Variants in TMC1 observed in about 807,000 individuals in gnomAD.
TMC1 encodes the protein transmembrane channel like 1, also known as transmembrane channel-like protein 1.
In TMC1, 84 loss-of-function variants were observed where a neutral mutation model predicts 105.8. The observed-to-expected ratio is 0.79, with a 90% CI of 0.67 to 0.95. The LOEUF is 0.95. Among genes scored for constraint, TMC1 ranks in the 40% least tolerant of loss-of-function variants. The probability of loss-of-function intolerance (pLI) is 0.00; values close to 1 mark genes in which losing one functional copy is unlikely to be tolerated. For missense variants in TMC1, 817 were observed against 914.1 expected (o/e 0.89, Z 1.37); for synonymous variants, 315 against 311.5 (o/e 1.01, Z -0.12).
At position 72,696,462 on chromosome 9, in the gene TMC1, T is replaced by G. The variant is rs560514941; in HGVS notation, c.236+1748T>G. Among the ~76,000 whole-genome samples the G allele has an allele frequency of 2.1e-4, 32 of 152,330 alleles. No homozygotes were observed. In the South Asian group the frequency reaches 2.5e-3, roughly 12 times the overall value. ...CTCTATTTTAGAGTCTATTTTCTATTGTTCATTTTGAAGATAAACATCTTT... is the reference window on the plus strand; with the variant it reads ...CTCTATTTTAGAGTCTATTTTCTATGGTTCATTTTGAAGATAAACATCTTT... On this transcript the variant is annotated intron_variant, in intron 7 of 23. Coordinates refer to ENST00000297784, the MANE Select transcript of TMC1 (RefSeq NM_138691.3).
In TMC1 at chr9:72,564,714, C is replaced by T. The variant is rs371666298; in HGVS notation, c.-427-13188C>T. Reference sequence around the variant, plus strand: ...GGACATGTCCTTAGGGCACAGATTCCATAGTGAAAGGCTCTTCTCCCCCTT... The same window carrying T: ...GGACATGTCCTTAGGGCACAGATTCTATAGTGAAAGGCTCTTCTCCCCCTT... On this transcript the variant is annotated intron_variant, in intron 1 of 23. Transcript: ENST00000297784. 1.1e-4 allele frequency among the ~76,000 whole-genome samples: 16 copies of T among 152,262 alleles called. No homozygotes were observed. In the East Asian group the frequency reaches 1.9e-3, roughly 18 times the overall value.
chr9:72,570,609 G>GAAA (rs1824260739), intron 1 of TMC1, among the ~76,000 whole-genome samples: 1 of 137,050 alleles, frequency 7.3e-6, no homozygotes, highest in Non-Finnish European at 1.5e-5. Flanking sequence ...GAAAAGTAGA[G>GAAA]AAAATAACAT....
At chr9:72,789,397 T>C (rs1266151386) in intron 15 of TMC1, 80 bp downstream of exon 15, 18 of 1,404,842 alleles carry the variant, frequency 1.3e-5, no homozygotes, top group Admixed American at 8.5e-5. Flanking sequence ...GATGGAACAT[T>C]TAAAAAGGCC....
chr9:72,732,194 A>T (rs1397480532), intron 8 of TMC1, among the ~76,000 whole-genome samples: 1 of 152,238 alleles, frequency 6.6e-6, no homozygotes, highest in African/African-American at 2.4e-5. Flanking sequence ...TTACATAATT[A>T]TAATGAGAGT....
intron 20 of TMC1, among the ~76,000 whole-genome samples, 168 bp downstream of exon 20, chr9:72,821,249 T>G (rs1014267582): frequency 6.6e-6 from 1 of 152,180 alleles, no homozygotes; most frequent in Non-Finnish European, 1.5e-5. Flanking sequence ...ATCCCAGCAC[T>G]TTGGGAGGCT....
chr9:72,578,807 T>G (rs12350517), intron 2 of TMC1, among the ~76,000 whole-genome samples: 20,393 of 152,180 alleles, frequency 0.13, 1,862 homozygotes, highest in African/African-American at 0.24. Flanking sequence ...CTTTCTCAAT[T>G]TCTGGCATTC....
At chr9:72,579,172 A>C (rs1447240843) in intron 2 of TMC1, among the ~76,000 whole-genome samples, 1 of 152,194 alleles carries the variant, frequency 6.6e-6, no homozygotes. Context: ...TAAAGGTGCA[A>C]GTCATTGTAA....
chr9:72,627,362 G>T (rs560318897), intron 3 of TMC1, among the ~76,000 whole-genome samples: 2 of 152,188 alleles, frequency 1.3e-5, no homozygotes, highest in East Asian at 3.9e-4. Context: ...ATCCCAGTGG[G>T]GGTCAAGGCC....
At position 72,557,936 on chromosome 9, in the gene TMC1, T is replaced by G. The variant is rs533207300; in HGVS notation, c.-427-19966T>G. Among the ~76,000 whole-genome samples, 29 of 152,290 alleles carry G rather than the reference T, an allele frequency of 1.9e-4. No individual in the cohort carries two copies. The South Asian group carries it at 6.0e-3, about 32-fold the overall frequency. ...TCTGTGGCCTCCACAGCTGGGTCAG[T>G]GTGGAAGGCTTCAGACCATGAGAAA... On this transcript the variant is annotated intron_variant, in intron 1 of 23. Transcript: ENST00000297784.
At chr9:72,739,447 A>G (rs1037114687) in intron 8 of TMC1, among the ~76,000 whole-genome samples, 1 of 152,242 alleles carries the variant, frequency 6.6e-6, no homozygotes, top group Non-Finnish European at 1.5e-5. Context: ...TTATGTTTTG[A>G]TGAATTAATG....
intron 11 of TMC1, 126 bp from the exon 12 acceptor site, chr9:72,754,660 A>G (rs1322042470): frequency 1.3e-5 from 10 of 741,414 alleles, no homozygotes; most frequent in Non-Finnish European, 2.2e-5. Flanking sequence ...GGGACCCCAC[A>G]TGGAGACCCA....
chr9:72,623,827 A>C (rs1293080700), intron 3 of TMC1, among the ~76,000 whole-genome samples: 1 of 152,170 alleles, frequency 6.6e-6, no homozygotes, highest in Non-Finnish European at 1.5e-5. Flanking sequence ...TGATAAGACC[A>C]GTGACTCCCA....
chr9:72,695,701 C>T (rs1336559892), intron 7 of TMC1, among the ~76,000 whole-genome samples: 1 of 152,108 alleles, frequency 6.6e-6, no homozygotes, highest in Admixed American at 6.6e-5. Flanking sequence ...TTAAAAACAA[C>T]TGAATGAAAA....
At chr9:72,654,198 G>A (rs532021810) in intron 5 of TMC1, among the ~76,000 whole-genome samples, 3 of 152,294 alleles carry the variant, frequency 2.0e-5, no homozygotes, top group East Asian at 3.9e-4. Flanking sequence ...TTCCAAAGTG[G>A]CTACATATAA....
At position 72,826,962 on chromosome 9, in the gene TMC1, T is replaced by C. The variant is rs1157161615; in HGVS notation, c.2097T>C (p.Pro699=). The change falls in exon 21 of 24, where the codon CCT becomes CCC. Residue 699 remains proline, a synonymous_variant. Transcript: ENST00000297784. ...AGATCTTGAGACAGCTTTCAAACCC[T>C]GGGCTGGTCATTGCTGTCATTTTGG... The part of the protein sequence containing the change: ...MAKILRQLSN[P]GLVIAVILVM... The C allele has an allele frequency of 4.3e-6, 7 of 1,613,984 alleles. No homozygotes were observed. Among genetic ancestry groups the C allele is most frequent in the African/African-American group, 4.0e-5 (3 of 74,930 alleles).
intron 17 of TMC1, among the ~76,000 whole-genome samples, chr9:72,793,628 A>C (rs1053344129): frequency 6.6e-6 from 1 of 152,132 alleles, no homozygotes; most frequent in Non-Finnish European, 1.5e-5. Context: ...GGGTCTGTAC[A>C]TTTCTGGGAT....
At chr9:72,731,110 T>C (rs970339871) in intron 8 of TMC1, among the ~76,000 whole-genome samples, 2 of 152,196 alleles carry the variant, frequency 1.3e-5, no homozygotes, top group Admixed American at 6.5e-5. Context: ...GCTAAACCCA[T>C]ATCTGTGCCA....
intron 10 of TMC1, among the ~76,000 whole-genome samples, chr9:72,744,113 A>T (rs1028388526): frequency 6.6e-6 from 1 of 152,234 alleles, no homozygotes; most frequent in African/African-American, 2.4e-5. Flanking sequence ...TCAATATCAG[A>T]TGGGAATTAT....
At chr9:72,807,218 G>C (rs948151921) in intron 18 of TMC1, among the ~76,000 whole-genome samples, 1 of 152,200 alleles carries the variant, frequency 6.6e-6, no homozygotes, top group Non-Finnish European at 1.5e-5. Flanking sequence ...GTCCAGCTTC[G>C]GCTCAGCATG....
Sources: allele counts gnomAD v4.1 joint callset (sites outside exome capture counted in the v4.1 genomes callset), GRCh38; gene constraint gnomAD v4.1.1; transcripts MANE v1.5; gene names NCBI Gene and HGNC (gene_info 2026-07-23, HGNC 2026-07-21).